HR: variants seen among roughly 807,000 people sequenced by gnomAD.
The protein encoded by HR is lysine-specific demethylase hairless.
In HR, 83 loss-of-function variants were observed where a neutral mutation model predicts 128.6. The ratio of observed to expected loss-of-function variants is 0.65; its 90% CI spans 0.54 to 0.77. The LOEUF is 0.77. Among genes scored for constraint, HR ranks in the 30% least tolerant of loss-of-function variants. The pLI is 0.00. For synonymous variants in HR, 681 were observed against 658.2 expected, an observed-to-expected ratio of 1.03 and a Z score of -0.53; for missense variants, 1,490 against 1,574.6, an observed-to-expected ratio of 0.95 and a Z score of 0.91.
In HR at chr8:22,115,780, G is replaced by C. The variant is rs748552599; in HGVS notation, c.3508-18C>G. 1.2e-6 allele frequency: 2 copies of C among 1,613,038 alleles called. No homozygotes were observed. The highest frequency in any genetic ancestry group is 1.3e-5 in the African/African-American group (1 of 74,788). Reference sequence around the variant, plus strand: ...CAGTCCATCTAGGAAAAAGAGAGAGGACAAAGCATTTTCAACTACATTCCT... The same window carrying C: ...CAGTCCATCTAGGAAAAAGAGAGAGCACAAAGCATTTTCAACTACATTCCT... On this transcript the variant is annotated intron_variant, in intron 18 of 18. Coordinates refer to ENST00000381418, the MANE Select transcript of HR (RefSeq NM_005144.5).
intron 13 of HR, 66 bp downstream of exon 13, chr8:22,120,038 G>A: frequency 6.4e-7 from 1 of 1,564,476 alleles, no homozygotes; most frequent in South Asian, 1.2e-5. Context: ...AGGAGGAGGG[G>A]AGGGCTGAAC....
Position 22,120,689 on chromosome 8 carries a change from C to T in HR, c.2610+27G>A, listed in dbSNP as rs77452325. ...GAGGGGCAGGTGGGGTGGCCAGGGC[C>T]GGGAGGGGAGGGGAGGGGTGCCTCA... On this transcript the variant is annotated intron_variant, in intron 11 of 18. Coordinates refer to ENST00000381418, the MANE Select transcript of HR (RefSeq NM_005144.5). The T allele has an allele frequency of 2.3e-3, 3,511 of 1,501,686 alleles. 73 individuals carry two copies. The African/African-American group carries it at 0.041, about 18-fold the overall frequency. The allele number at this position is 1,501,686 out of a possible 1,614,324, so 93.0% of individuals were successfully genotyped here.
At chr8:22,126,986 C>G (rs780606677) in intron 3 of HR, 51 bp downstream of exon 3, 2 of 1,542,922 alleles carry the variant, frequency 1.3e-6, no homozygotes, top group Admixed American at 3.6e-5. Flanking sequence ...AAGCCCCAGC[C>G]CCGGCTGCCC....
intron 16 of HR, chr8:22,117,529 G>A (rs1297007365): frequency 6.4e-6 from 1 of 155,302 alleles, no homozygotes; most frequent in Non-Finnish European, 1.4e-5. Flanking sequence ...GTTCATCAGG[G>A]TCTCCCTAAG....
rs761596302 is a variant in HR at position 22,119,025 on chromosome 8, C to G, written c.3138G>C (p.Pro1046=). 5 of 1,613,188 alleles carry G rather than the reference C, an allele frequency of 3.1e-6. No individual in the cohort carries two copies. Among genetic ancestry groups the G allele is most frequent in the Non-Finnish European group, 3.4e-6 (4 of 1,179,932 alleles). The change falls in exon 16 of 19, where the codon CCG becomes CCC. Residue 1046 remains proline, a synonymous_variant. Coordinates refer to ENST00000381418, the MANE Select transcript of HR (RefSeq NM_005144.5). ...GCCACACAGTGCTGACCTGGCTGCCCGGAGACCAGAGCCCCTCCCCGTCCA... is the reference window on the plus strand; with the variant it reads ...GCCACACAGTGCTGACCTGGCTGCCGGGAGACCAGAGCCCCTCCCCGTCCA... The part of the protein sequence containing the change: ...SGLDGEGLWS[P]GSQVSTVWHV...
intron 3 of HR, among the ~76,000 whole-genome samples, chr8:22,126,665 CG>C (rs1159018351): frequency 5.9e-5 from 9 of 152,194 alleles, no homozygotes; most frequent in Non-Finnish European, 1.2e-4. Context: ...AGGTAGGTGC[CG>C]TCTTCTTCCC....
At chr8:22,120,655 C>T in intron 11 of HR, 61 bp downstream of exon 11, 1 of 1,535,024 alleles carries the variant, frequency 6.5e-7, no homozygotes, top group South Asian at 1.2e-5. Context: ...GCCTAGGGAC[C>T]AAGGCCCCGA....
chr8:22,129,948 G>T (rs1453673895), intron 1 of HR, among the ~76,000 whole-genome samples: 1 of 152,234 alleles, frequency 6.6e-6, no homozygotes, highest in Non-Finnish European at 1.5e-5. Flanking sequence ...CGCCGGCACA[G>T]GGGAGGGGGA....
chr8:22,123,617 T>TACCCCCCCCCCCCCC, intron 6 of HR, 32 bp downstream of exon 6: 1 of 292,092 alleles, frequency 3.4e-6, no homozygotes. Flanking sequence ...GAGGGCTCCA[T>TACCCCCCCCCCCCCC]CCCGCCCTCC....
At chr8:22,124,018 A>T (rs569257277) in intron 5 of HR, among the ~76,000 whole-genome samples, 2 of 152,196 alleles carry the variant, frequency 1.3e-5, no homozygotes, top group South Asian at 4.1e-4. Flanking sequence ...TGTAGAAACT[A>T]TCCTCTCCAG....
rs553364964 is a variant in HR, at chr8:22,128,604, G to A, written c.567C>T (p.Ser189=). Residue 189 remains serine (S), a synonymous_variant, in exon 2 of 19, where the codon TCC becomes TCT. Coordinates refer to ENST00000381418, the MANE Select transcript of HR (RefSeq NM_005144.5). ...CAGAGGGCACTTTGGGCTGGCCCCC[G>A]GAGTATACCCAGGGGTGCGGGGTCA... ...WPLTPHPWVY[S]GGQPKVPSAF... The A allele has an allele frequency of 1.7e-5, 28 of 1,608,312 alleles. No homozygotes were observed. Among genetic ancestry groups the A allele is most frequent in the Admixed American group, 5.1e-5 (3 of 59,106 alleles).
chr8:22,122,488 C>CTT lies in HR; in HGVS notation c.2121+3_2121+4dup. 1.3e-6 allele frequency: 2 copies of CTT among 1,598,194 alleles called. No homozygotes were observed. Among genetic ancestry groups the CTT allele is most frequent in the Non-Finnish European group, 8.5e-7 (1 of 1,171,472 alleles). On this transcript the variant is annotated splice_donor_region_variant and intron_variant, in intron 8 of 18. Transcript: ENST00000381418. ...ACCCAACCGGTGACATGCCCTGGGT[C>CTT]TTACCTGCTGGCCTGCATCCCCGGG... is the stretch of plus-strand genomic sequence containing the variant.
Position 22,123,704 on chromosome 8 carries a change from C to A in HR, c.1860G>T (p.Arg620=). The A allele has an allele frequency of 6.4e-7, 1 of 1,567,132 alleles. No homozygotes were observed. Among genetic ancestry groups the A allele is most frequent in the East Asian group, 2.3e-5 (1 of 43,152 alleles). The change falls in exon 6 of 19, where the codon CGG becomes CGT. Residue 620 remains arginine (R), a synonymous_variant. Transcript: ENST00000381418. Reference sequence around the variant, plus strand: ...CCACACGACCACAGGCCACACACAGCCGGTGGCTGCAGCGGGGACATCGCC... The same window carrying A: ...CCACACGACCACAGGCCACACACAGACGGTGGCTGCAGCGGGGACATCGCC... ...THWRCPRCSH[R]LCVACGRVAG... is the part of the protein sequence containing the mutation.
chr8:22,121,018 G>C, intron 10 of HR, 47 bp downstream of exon 10: 1 of 1,612,912 alleles, frequency 6.2e-7, no homozygotes. Flanking sequence ...GGCAGGCCCA[G>C]CCTCTGGTCC....
chr8:22,117,009 G>T lies in HR; in HGVS notation c.3244C>A (p.Pro1082Thr). 1 of 1,519,686 alleles carries T rather than the reference G, an allele frequency of 6.6e-7. No homozygotes were observed. Among genetic ancestry groups the T allele is most frequent in the African/African-American group, 1.4e-5 (1 of 72,908 alleles). 94.1% of individuals were successfully genotyped at this position (1,519,686 alleles called of 1,614,324 possible). Reference protein sequence around the residue: ...VCPAGAGALEPGAPGSCYLDA... With the variant: ...VCPAGAGALETGAPGSCYLDA... The stretch of plus-strand genomic sequence containing the variant: ...AGGTAGCAGCTGCCTGGGGCGCCAG[G>T]CTCCAGGGCGCCTGCCCCGGCCGGG... The change falls in exon 17 of 19, where the codon CCT (proline) becomes ACT (threonine). Residue 1082 changes from proline (P) to threonine (T), a missense_variant. By Grantham distance (38) the Pro-to-Thr change is conservative. Coordinates refer to ENST00000381418, the MANE Select transcript of HR (RefSeq NM_005144.5).
At chr8:22,119,987 C>T (rs552136794) in intron 13 of HR, 97 bp from the exon 14 acceptor site, 3 of 1,599,026 alleles carry the variant, frequency 1.9e-6, no homozygotes, top group South Asian at 1.1e-5. Context: ...AGAGGGCAAA[C>T]ATGAGAGTAC....
chr8:22,122,984 TC>T, intron 6 of HR, 105 bp from the exon 7 acceptor site: 1 of 1,072,738 alleles, frequency 9.3e-7, no homozygotes, highest in Non-Finnish European at 1.4e-6. Flanking sequence ...GACTCAATAG[TC>T]CACAAAACTC....
Position 22,115,378 on chromosome 8 carries a change from A to C in HR, c.*322T>G, listed in dbSNP as rs1338053680. 4.0e-6 allele frequency: 2 copies of C among 505,790 alleles called. No individual in the cohort carries two copies. The highest frequency in any genetic ancestry group is 3.5e-5 in the East Asian group (1 of 28,328). The allele number at this position is 505,790 out of a possible 1,614,324, so 31.3% of individuals were successfully genotyped here. On this transcript the variant is annotated 3_prime_UTR_variant, in exon 19 of 19. Coordinates refer to ENST00000381418, the MANE Select transcript of HR (RefSeq NM_005144.5). ...CCAGAATGATTCCCAAGTTTCCCCA[A>C]GGAAGGGCTGTTTGTCTCCTGGGTC...
chr8:22,119,616 CAA>C (rs759829347), intron 14 of HR, 142 bp downstream of exon 14: 25,704 of 881,184 alleles, frequency 0.029, no homozygotes, highest in South Asian at 0.037. Context: ...TCAACAACAA[CAA>C]AAAAAAAAAA....
Sources: allele counts gnomAD v4.1 joint callset (sites outside exome capture counted in the v4.1 genomes callset), GRCh38; gene constraint gnomAD v4.1.1; transcripts MANE v1.5; gene names NCBI Gene and HGNC (gene_info 2026-07-23, HGNC 2026-07-21).